AP3B2: variants seen among roughly 807,000 people sequenced by gnomAD.
The protein encoded by AP3B2 is AP-3 complex subunit beta-2.
In AP3B2, 50 loss-of-function variants were observed where a neutral mutation model predicts 126.9. That is an observed-to-expected ratio of 0.39 (90% CI 0.31 to 0.50). AP3B2 has a LOEUF of 0.50. Among genes scored for constraint, AP3B2 ranks in the 20% least tolerant of loss-of-function variants. The probability of loss-of-function intolerance (pLI) is 0.79; values close to 1 mark genes in which losing one functional copy is unlikely to be tolerated. For missense variants in AP3B2, 1,177 were observed against 1,426.4 expected (o/e 0.83, Z 2.82); for synonymous variants, 541 against 565.0 (o/e 0.96, Z 0.60).
At chr15:82,688,037 G>A (rs532827936) in intron 4 of AP3B2, 12 of 164,346 alleles carry the variant, frequency 7.3e-5, no homozygotes, top group South Asian at 1.7e-4. Context: ...CAGGGAAGTC[G>A]AGGCTCCAGT....
rs2151448780 is a variant in AP3B2 at position 82,688,736 on chromosome 15, C to T, written c.360G>A (p.Lys120=). The change falls in exon 4 of 27, where the codon AAG becomes AAA. Residue 120 remains lysine, a splice_region_variant and synonymous_variant. Transcript: ENST00000535359. ...TGGGAGGCAAACTGAGACCCCTGAC[C>T]TTTAGGCCACGTTGGAAGGTGGAGA... The part of the protein sequence containing the change: ...LSISTFQRGL[K]DPNQLIRASA... 6.2e-7 allele frequency: 1 copy of T among 1,610,378 alleles called. No individual in the cohort carries two copies. Among genetic ancestry groups the T allele is most frequent in the Non-Finnish European group, 8.5e-7 (1 of 1,178,444 alleles).
intron 10 of AP3B2, among the ~76,000 whole-genome samples, chr15:82,678,992 C>T (rs1029189445): frequency 2.6e-5 from 4 of 152,106 alleles, no homozygotes; most frequent in African/African-American, 7.2e-5. Flanking sequence ...TTTCCTTGTC[C>T]GTGAATGTTT....
At position 82,678,178 on chromosome 15, in the gene AP3B2, G is replaced by A. The variant is rs371253222; in HGVS notation, c.1183-11C>T. 2.9e-5 allele frequency: 46 copies of A among 1,613,652 alleles called. No homozygotes were observed. Among genetic ancestry groups the A allele is most frequent in the Non-Finnish European group, 3.7e-5 (44 of 1,179,772 alleles). On this transcript the variant is annotated splice_polypyrimidine_tract_variant and intron_variant, in intron 10 of 26. Coordinates refer to ENST00000535359, the MANE Select transcript of AP3B2 (RefSeq NM_001278512.2). ...GGTCAGCACTTCCAGCTGCAGGGAG[G>A]GTTGGAGAGGCAGAAAATGGGTGGG...
chr15:82,708,694 G>A (rs1329321926), intron 1 of AP3B2: 1 of 152,300 alleles, frequency 6.6e-6, no homozygotes, highest in African/African-American at 2.4e-5. Flanking sequence ...CCTCTTTTCT[G>A]GTCAGTCCAG....
chr15:82,664,104 T>TCCTATAGGA lies in AP3B2; in HGVS notation c.2262-130_2262-129insTCCTATAGG, dbSNP rs1444624305. On this transcript the variant is annotated intron_variant, in intron 19 of 26. Coordinates refer to ENST00000535359, the MANE Select transcript of AP3B2 (RefSeq NM_001278512.2). This position sits in a 1 kb window ranked among gnomAD's most constrained non-coding sequence, Gnocchi z 4.5. ...GAGCCAGGAGGGTTCACACCTGAGG[T>TCCTATAGGA]CCTATAGCAGGGACCCCGTGAGAGC... is the stretch of plus-strand genomic sequence containing the variant. 1 of 1,424,170 alleles carries TCCTATAGGA rather than the reference T, an allele frequency of 7.0e-7. No homozygotes were observed. The highest frequency in any genetic ancestry group is 9.2e-7 in the Non-Finnish European group (1 of 1,082,114). The allele number at this position is 1,424,170 out of a possible 1,614,324, so 88.2% of individuals were successfully genotyped here.
chr15:82,679,457 A>C (rs1305898505), intron 10 of AP3B2, among the ~76,000 whole-genome samples: 1 of 152,202 alleles, frequency 6.6e-6, no homozygotes, highest in Middle Eastern at 3.2e-3. Context: ...TATAATGTAC[A>C]CATCCTGGGA....
At chr15:82,693,472 C>A (rs1332707836) in intron 1 of AP3B2, among the ~76,000 whole-genome samples, 4 of 151,694 alleles carry the variant, frequency 2.6e-5, no homozygotes, top group Non-Finnish European at 5.9e-5. Context: ...GTCTCAAACT[C>A]CTGACCTCAA....
chr15:82,681,104 A>G lies in AP3B2; in HGVS notation c.588+8T>C. On this transcript the variant is annotated splice_region_variant and intron_variant, in intron 6 of 26. Transcript: ENST00000535359. This position sits in a 1 kb window ranked among gnomAD's most constrained non-coding sequence, Gnocchi z 4.0. ...ACCACCCCTCCCGGAGCGCCCCTAT[A>G]CACGCACCGTGGTCTTGTCAGCCAG... 1.2e-6 allele frequency: 2 copies of G among 1,613,568 alleles called. No individual in the cohort carries two copies. The highest frequency in any genetic ancestry group is 1.1e-5 in the South Asian group (1 of 91,032).
chr15:82,666,813 T>A lies in AP3B2; in HGVS notation c.1786A>T (p.Ser596Cys). The change falls in exon 15 of 27, where the codon AGC becomes TGC. Residue 596 changes from serine (S) to cysteine (C), a missense_variant. By Grantham distance (112) the Ser-to-Cys change is moderately radical (BLOSUM62 -1). Around this residue, in one of 5 missense-constraint regions of AP3B2, gnomAD observed 308 missense variants for 452.4 expected, o/e 0.68. Transcript: ENST00000535359. ...AGGAAGAGCTTCTTGGCATGGCGGC[T>A]GAGGGCCCCACCCTGCTCGGAAGGG... ...IVPSEQGGALSRHAKKLFLAP... is the reference protein window; with the variant it reads ...IVPSEQGGALCRHAKKLFLAP... The A allele has an allele frequency of 6.2e-7, 1 of 1,613,950 alleles. No homozygotes were observed. Among genetic ancestry groups the A allele is most frequent in the South Asian group, 1.1e-5 (1 of 91,078 alleles).
At chr15:82,709,503 C>G in intron 1 of AP3B2, 91 bp downstream of exon 1, 1 of 890,660 alleles carries the variant, frequency 1.1e-6, no homozygotes, top group Non-Finnish European at 1.4e-6. Context: ...GCGGGGCCGG[C>G]GCTGGGGCCG....
At chr15:82,683,119 C>T (rs28888975) in intron 4 of AP3B2, among the ~76,000 whole-genome samples, 20,840 of 127,304 alleles carry the variant, frequency 0.16, 1,658 homozygotes, top group Middle Eastern at 0.27. Context: ...AATGCAGTGG[C>T]GAGATCTCGG....
At chr15:82,700,552 C>T (rs1261648180) in intron 1 of AP3B2, among the ~76,000 whole-genome samples, 2 of 151,552 alleles carry the variant, frequency 1.3e-5, no homozygotes, top group Non-Finnish European at 2.9e-5. Flanking sequence ...GCATACACCA[C>T]CACACCTGGC....
intron 14 of AP3B2, among the ~76,000 whole-genome samples, chr15:82,674,574 T>A (rs568839553): frequency 1.1e-4 from 17 of 152,346 alleles, no homozygotes; most frequent in African/African-American, 3.6e-4. Context: ...TTAAAATGTT[T>A]ATTTTTGTCC....
In AP3B2 at chr15:82,659,468, AT is replaced by A; in HGVS notation, c.*91del. On this transcript the variant is annotated 3_prime_UTR_variant, in exon 27 of 27. Coordinates refer to ENST00000535359, the MANE Select transcript of AP3B2 (RefSeq NM_001278512.2). ...AATGCTATCTGGCATGAGGAGGATG[AT>A]GAGAGAGAGAGAGAAAGATGAGAGA... 1 of 1,512,734 alleles carries A rather than the reference AT, an allele frequency of 6.6e-7. No individual in the cohort carries two copies. 93.7% of individuals were successfully genotyped at this position (1,512,734 alleles called of 1,614,324 possible). A position where few individuals can be genotyped will look rare whatever the true frequency, so the allele number is the denominator to read the frequency against.
intron 1 of AP3B2, among the ~76,000 whole-genome samples, chr15:82,700,396 G>GTTTTTTTTTTTTTTTTTTTTTT (rs1567275643): frequency 1.8e-4 from 2 of 11,268 alleles, no homozygotes; most frequent in African/African-American, 3.2e-4. Context: ...GTGGTGGGTG[G>GTTTTTTTTTTTTTTTTTTTTTT]CTTTTTTTTT....
At chr15:82,678,867 C>T (rs1045961146) in intron 10 of AP3B2, among the ~76,000 whole-genome samples, 3 of 152,160 alleles carry the variant, frequency 2.0e-5, no homozygotes, top group Admixed American at 1.3e-4. Context: ...CATCATGTAC[C>T]CCTAGAACAT....
intron 1 of AP3B2, among the ~76,000 whole-genome samples, chr15:82,690,247 A>G (rs1269116217): frequency 6.8e-6 from 1 of 146,210 alleles, no homozygotes; most frequent in Non-Finnish European, 1.6e-5. Flanking sequence ...TTTTTCAATT[A>G]CTAAACTTTT....
intron 1 of AP3B2, among the ~76,000 whole-genome samples, chr15:82,695,097 T>TTCTTTC (rs1555469043): frequency 1.1e-5 from 1 of 88,190 alleles, no homozygotes; most frequent in South Asian, 3.0e-4. Flanking sequence ...CTTTCTTTCT[T>TTCTTTC]TTTTTTTTTT....
intron 21 of AP3B2, 43 bp downstream of exon 21, chr15:82,663,517 C>T (rs1204081402): frequency 6.2e-7 from 1 of 1,600,724 alleles, no homozygotes; most frequent in Non-Finnish European, 8.6e-7. Flanking sequence ...ATTCATGCTC[C>T]CCAGGCCTCC....
Sources: allele counts gnomAD v4.1 joint callset (sites outside exome capture counted in the v4.1 genomes callset), GRCh38; gene constraint gnomAD v4.1.1; regional missense constraint gnomAD v4.1.1; non-coding constraint Gnocchi (gnomAD v3.1); transcripts MANE v1.5; gene names NCBI Gene and HGNC (gene_info 2026-07-23, HGNC 2026-07-21).